The following CNTNAP2 variants were observed in gnomAD, a reference collection of about 807,000 sequenced individuals.
CNTNAP2 encodes contactin associated protein 2.
Under a neutral mutation model 155.2 loss-of-function variants are expected in CNTNAP2, and 98 were observed. The observed-to-expected ratio is 0.63, with a 90% CI of 0.54 to 0.75. The LOEUF is 0.75. Among genes scored for constraint, CNTNAP2 ranks in the 30% least tolerant of loss-of-function variants. CNTNAP2 has a pLI of 0.00. For synonymous variants in CNTNAP2, 651 were observed against 631.2 expected (o/e 1.03, Z -0.47); for missense variants, 1,727 against 1,688.1 (o/e 1.02, Z -0.40).
intron 21 of CNTNAP2, among the ~76,000 whole-genome samples, chr7:148,284,929 G>A (rs992034327): frequency 6.6e-5 from 10 of 152,152 alleles, no homozygotes; most frequent in African/African-American, 1.7e-4. Context: ...ATGTTCCTCC[G>A]GCACTAACAT....
intron 8 of CNTNAP2, among the ~76,000 whole-genome samples, chr7:147,260,632 C>T (rs1452861175): frequency 6.6e-6 from 1 of 151,996 alleles, no homozygotes; most frequent in East Asian, 1.9e-4. Context: ...TTTTTTCCTC[C>T]GTGATTTTGT....
At chr7:146,175,396 G>T (rs1271486529) in intron 1 of CNTNAP2, among the ~76,000 whole-genome samples, 4 of 152,140 alleles carry the variant, frequency 2.6e-5, no homozygotes, top group Non-Finnish European at 5.9e-5. Context: ...TTAGGTTTCT[G>T]GTTCTAATAC....
intron 2 of CNTNAP2, among the ~76,000 whole-genome samples, chr7:146,799,273 A>G (rs552431098): frequency 1.3e-5 from 2 of 152,312 alleles, no homozygotes; most frequent in South Asian, 2.1e-4. Flanking sequence ...TAGTATTACC[A>G]TAAAATCTAT....
At chr7:148,382,249 C>T (rs762803879) in intron 21 of CNTNAP2, among the ~76,000 whole-genome samples, 18 of 152,228 alleles carry the variant, frequency 1.2e-4, no homozygotes, top group Non-Finnish European at 5.9e-5. Flanking sequence ...TGCTGCCACC[C>T]GTGGTTTCTC....
In CNTNAP2 at chr7:147,610,523, G is replaced by T. The variant is rs376948312; in HGVS notation, c.1898-28583G>T. Among the ~76,000 whole-genome samples the T allele has an allele frequency of 4.6e-5, 7 of 152,072 alleles. No individual in the cohort carries two copies. The East Asian group carries it at 7.7e-4, about 17-fold the overall frequency. ...AGCATGCCACAGTGGCACATTTTGG[G>T]GTGGTATTTTCTTAGTTCCCTCAAA... On this transcript the variant is annotated intron_variant, in intron 12 of 23. Coordinates refer to ENST00000361727, the MANE Select transcript of CNTNAP2 (RefSeq NM_014141.6).
At chr7:147,499,424 G>A (rs925215119) in intron 11 of CNTNAP2, among the ~76,000 whole-genome samples, 2 of 152,052 alleles carry the variant, frequency 1.3e-5, no homozygotes, top group Non-Finnish European at 2.9e-5. Flanking sequence ...AGCTACTCGG[G>A]AGGCTGAGGC....
At chr7:146,221,667 T>G (rs548288185) in intron 1 of CNTNAP2, among the ~76,000 whole-genome samples, 1 of 152,316 alleles carries the variant, frequency 6.6e-6, no homozygotes, top group East Asian at 1.9e-4. Flanking sequence ...AAGTACTCAT[T>G]ATATAGCAGA....
rs141725601 is a variant in CNTNAP2, at chr7:147,931,765, C to T, written c.2255+28044C>T. On this transcript the variant is annotated intron_variant, in intron 14 of 23. Coordinates refer to ENST00000361727, the MANE Select transcript of CNTNAP2 (RefSeq NM_014141.6). ...TGAAAATAAGTGGAAAGACGTCCCACGTTTATGACAGGAAAACTTAATATC... is the reference window on the plus strand; with the variant it reads ...TGAAAATAAGTGGAAAGACGTCCCATGTTTATGACAGGAAAACTTAATATC... Among the ~76,000 whole-genome samples, 1,347 of 152,220 alleles carry T rather than the reference C, an allele frequency of 8.8e-3. 20 individuals carry two copies. The highest frequency in any genetic ancestry group is 0.031 in the African/African-American group (1,270 of 41,552).
intron 14 of CNTNAP2, among the ~76,000 whole-genome samples, chr7:147,964,087 T>C (rs184661708): frequency 7.2e-5 from 11 of 152,092 alleles, no homozygotes; most frequent in African/African-American, 2.2e-4. Flanking sequence ...CTTAATGCGA[T>C]GGGGGTGGTG....
At chr7:146,406,060 G>A (rs1317475040) in intron 1 of CNTNAP2, among the ~76,000 whole-genome samples, 1 of 152,190 alleles carries the variant, frequency 6.6e-6, no homozygotes. Flanking sequence ...CTGTCACTGA[G>A]AATGACAGCA....
chr7:148,106,717 A>G (rs915766070), intron 15 of CNTNAP2, among the ~76,000 whole-genome samples: 3 of 151,750 alleles, frequency 2.0e-5, no homozygotes, highest in South Asian at 2.1e-4. Flanking sequence ...TACAACCTCT[A>G]CATGCAAAAA....
intron 1 of CNTNAP2, among the ~76,000 whole-genome samples, chr7:146,509,601 AGAG>A (rs1797436461): frequency 6.6e-6 from 1 of 152,120 alleles, no homozygotes; most frequent in Non-Finnish European, 1.5e-5. Context: ...AGCCCACAAC[AGAG>A]GTTCTTCCTC....
chr7:146,972,982 A>C (rs1397124410), intron 3 of CNTNAP2, among the ~76,000 whole-genome samples: 1 of 152,172 alleles, frequency 6.6e-6, no homozygotes, highest in African/African-American at 2.4e-5. Context: ...AGAAATTCAC[A>C]TTAAAGTAAA....
chr7:146,467,828 A>G (rs1796737492), intron 1 of CNTNAP2, among the ~76,000 whole-genome samples: 1 of 152,278 alleles, frequency 6.6e-6, no homozygotes, highest in African/African-American at 2.4e-5. Flanking sequence ...CAAAGTTATA[A>G]TGTCTTCCTG....
intron 21 of CNTNAP2, among the ~76,000 whole-genome samples, chr7:148,369,034 G>T (rs1310484153): frequency 1.3e-5 from 2 of 152,056 alleles, no homozygotes; most frequent in Admixed American, 6.6e-5. Flanking sequence ...AAAACAATAT[G>T]AGAGGGTCTG....
At chr7:146,905,132 C>T (rs1436627742) in intron 3 of CNTNAP2, among the ~76,000 whole-genome samples, 2 of 152,150 alleles carry the variant, frequency 1.3e-5, no homozygotes, top group East Asian at 1.9e-4. Flanking sequence ...ACAATGCCTA[C>T]CTCCGCCCCT....
At chr7:148,218,111 GTGAGACCC>G (rs1795679312) in intron 19 of CNTNAP2, among the ~76,000 whole-genome samples, 1 of 152,228 alleles carries the variant, frequency 6.6e-6, no homozygotes, top group South Asian at 2.1e-4. Context: ...GGGCAACAGA[GTGAGACCC>G]TGTCTCAAAA....
intron 1 of CNTNAP2, among the ~76,000 whole-genome samples, chr7:146,562,930 A>T (rs945962343): frequency 6.6e-6 from 1 of 152,052 alleles, no homozygotes; most frequent in Admixed American, 6.6e-5. Context: ...CACAGCAGAC[A>T]CTCTATTAGG....
At chr7:148,198,607 G>T (rs1480864626) in intron 18 of CNTNAP2, among the ~76,000 whole-genome samples, 4 of 152,160 alleles carry the variant, frequency 2.6e-5, no homozygotes, top group Non-Finnish European at 5.9e-5. Flanking sequence ...ATAAGCTTTG[G>T]AGGACACTGT....
Sources: allele counts gnomAD v4.1 joint callset (sites outside exome capture counted in the v4.1 genomes callset), GRCh38; gene constraint gnomAD v4.1.1; transcripts MANE v1.5; gene names NCBI Gene and HGNC (gene_info 2026-07-23, HGNC 2026-07-21).